MEGF11: variants seen among roughly 807,000 people sequenced by gnomAD.
The protein encoded by MEGF11 is multiple EGF like domains 11, also known as multiple epidermal growth factor-like domains protein 11.
MEGF11 carries 126 observed loss-of-function variants against 146.6 expected under a neutral mutation model. That is an observed-to-expected ratio of 0.86 (90% CI 0.74 to 1.00). The LOEUF is 1.00. MEGF11 is among the 50% of genes least tolerant of loss of function. The pLI is 0.00. For missense variants in MEGF11, 1,509 were observed against 1,521.2 expected, an observed-to-expected ratio of 0.99 and a Z score of 0.13; for synonymous variants, 532 against 583.4, an observed-to-expected ratio of 0.91 and a Z score of 1.27.
At chr15:65,909,712 T>G in intron 22 of MEGF11, 28 bp downstream of exon 22, 1 of 1,547,154 alleles carries the variant, frequency 6.5e-7, no homozygotes, top group Non-Finnish European at 8.7e-7. Context: ...GACATGATGG[T>G]GGGGACCAGA....
chr15:66,053,762 CTG>C (rs1348942262), intron 5 of MEGF11, among the ~76,000 whole-genome samples: 4 of 112,272 alleles, frequency 3.6e-5, no homozygotes, highest in Non-Finnish European at 6.6e-5. Context: ...AGGTCTCACT[CTG>C]TTGCTCAGGC....
chr15:65,932,719 T>C (rs1327476400), intron 10 of MEGF11, among the ~76,000 whole-genome samples: 1 of 152,004 alleles, frequency 6.6e-6, no homozygotes, highest in Non-Finnish European at 1.5e-5. Flanking sequence ...CAGGACATGC[T>C]TCCCCACTTA....
Position 66,160,707 on chromosome 15 carries a change from C to CA in MEGF11, c.-8-32297_-8-32296insT, listed in dbSNP as rs1555477714. 5.5e-3 allele frequency among the ~76,000 whole-genome samples: 483 copies of CA among 88,226 alleles called. 6 individuals carry two copies. The highest frequency in any genetic ancestry group is 0.017 in the African/African-American group (437 of 26,308). The allele number at this position is 88,226 out of a possible 152,430, so 57.9% of individuals were successfully genotyped here. On this transcript the variant is annotated intron_variant, in intron 1 of 25. Coordinates refer to ENST00000395614, the MANE Select transcript of MEGF11 (RefSeq NM_001385028.1). ...CACACACACACACACACACACACAC[C>CA]CTTGCCCTAGGAATTTATTCCTGCC...
rs768077732 is a variant in MEGF11, at chr15:66,176,959, C to T, written c.-8-48548G>A. On this transcript the variant is annotated intron_variant, in intron 1 of 25. Coordinates refer to ENST00000395614, the MANE Select transcript of MEGF11 (RefSeq NM_001385028.1). ...CAATGACAAAGTTCACAGGCCATGC[C>T]TAGGCCAGCCCACTCCCTCCCTTAC... Among the ~76,000 whole-genome samples the T allele has an allele frequency of 5.9e-5, 9 of 152,300 alleles. No homozygotes were observed. In the South Asian group the frequency reaches 1.0e-3, roughly 18 times the overall value.
At chr15:66,008,716 C>G (rs2082606557) in intron 5 of MEGF11, among the ~76,000 whole-genome samples, 1 of 151,736 alleles carries the variant, frequency 6.6e-6, no homozygotes, top group African/African-American at 2.4e-5. Flanking sequence ...CCTGGCTACT[C>G]AGGAGGCTGA....
intron 4 of MEGF11, among the ~76,000 whole-genome samples, chr15:66,105,179 C>T (rs780667028): frequency 4.6e-5 from 7 of 152,216 alleles, no homozygotes; most frequent in Non-Finnish European, 8.8e-5. Flanking sequence ...AAAACAAGGG[C>T]GGCCACTCCT....
rs1163192512 is a variant in MEGF11 at position 65,909,924 on chromosome 15, T to C, written c.2830-118A>G. On this transcript the variant is annotated intron_variant, in intron 21 of 25. Coordinates refer to ENST00000395614, the MANE Select transcript of MEGF11 (RefSeq NM_001385028.1). ...TAATAATCCTGACCCACCTGGGTCC[T>C]AGGCCGTTGAGAGAAAGGGCGAGCT... The C allele has an allele frequency of 7.9e-6, 7 of 891,516 alleles. No homozygotes were observed. The East Asian group carries it at 1.8e-4, about 23-fold the overall frequency. The allele number at this position is 891,516 out of a possible 1,614,324, so 55.2% of individuals were successfully genotyped here.
rs746731712 is a variant in MEGF11 at position 65,898,901 on chromosome 15, G to C, written c.3089C>G (p.Thr1030Ser). 2 of 1,613,920 alleles carry C rather than the reference G, an allele frequency of 1.2e-6. No homozygotes were observed. Among genetic ancestry groups the C allele is most frequent in the Non-Finnish European group, 8.5e-7 (1 of 1,179,836 alleles). The stretch of plus-strand genomic sequence containing the variant: ...GTTTTCACTGCTATTCAAGGAACAA[G>C]TACTAGAACTGCACACGGATTCTTT... The part of the protein sequence containing the change: ...YMKESVCSSS[T>S]CSLNSSENPY... The change falls in exon 25 of 26, where the codon ACT becomes AGT. Residue 1030 changes from threonine (T) to serine (S), a missense_variant. Transcript: ENST00000395614.
intron 4 of MEGF11, among the ~76,000 whole-genome samples, chr15:66,104,256 G>T (rs2086962122): frequency 6.6e-6 from 1 of 152,160 alleles, no homozygotes; most frequent in Non-Finnish European, 1.5e-5. Flanking sequence ...TCTGGTCACT[G>T]TTAGCTCACC....
chr15:66,006,016 C>T (rs2082509182), intron 5 of MEGF11, among the ~76,000 whole-genome samples: 1 of 152,220 alleles, frequency 6.6e-6, no homozygotes, highest in African/African-American at 2.4e-5. Flanking sequence ...TGACAAAGGG[C>T]TTGTTAACCA....
At chr15:66,058,013 A>C (rs1277071010) in intron 5 of MEGF11, among the ~76,000 whole-genome samples, 1 of 152,236 alleles carries the variant, frequency 6.6e-6, no homozygotes, top group African/African-American at 2.4e-5. Flanking sequence ...CATGGGGAAC[A>C]AATATTCCAG....
chr15:66,249,857 A>C (rs1567298897), intron 1 of MEGF11, among the ~76,000 whole-genome samples: 1 of 152,204 alleles, frequency 6.6e-6, no homozygotes, highest in Non-Finnish European at 1.5e-5. Context: ...AGCCCTCCAC[A>C]CTGAAATCTG....
intron 5 of MEGF11, among the ~76,000 whole-genome samples, chr15:66,070,216 A>C (rs1213648696): frequency 6.6e-6 from 1 of 152,164 alleles, no homozygotes; most frequent in Non-Finnish European, 1.5e-5. Flanking sequence ...TAATCTTCGG[A>C]GATGTCGGTT....
At chr15:66,215,076 A>G (rs1340005739) in intron 1 of MEGF11, among the ~76,000 whole-genome samples, 1 of 151,998 alleles carries the variant, frequency 6.6e-6, no homozygotes, top group Non-Finnish European at 1.5e-5. Flanking sequence ...TGGAGCTCTA[A>G]CGCCTCCTCC....
At chr15:66,067,434 A>G (rs1188261760) in intron 5 of MEGF11, among the ~76,000 whole-genome samples, 1 of 152,208 alleles carries the variant, frequency 6.6e-6, no homozygotes, top group Admixed American at 6.5e-5. Context: ...AGATGGAGAA[A>G]ATGAGGCCCA....
chr15:65,915,729 G>T, intron 18 of MEGF11, 131 bp from the exon 19 acceptor site: 1 of 1,185,242 alleles, frequency 8.4e-7, no homozygotes, highest in Non-Finnish European at 1.2e-6. Flanking sequence ...AGCTCCTGTT[G>T]AGGAGCATTT....
chr15:66,217,186 AG>A (rs1306853293), intron 1 of MEGF11, among the ~76,000 whole-genome samples: 3 of 152,250 alleles, frequency 2.0e-5, no homozygotes, highest in African/African-American at 7.2e-5. Flanking sequence ...AGAACAAGAC[AG>A]ACAATCATGA....
intron 1 of MEGF11, among the ~76,000 whole-genome samples, chr15:66,232,256 AC>A (rs1480166251): frequency 7.1e-4 from 108 of 152,258 alleles, no homozygotes; most frequent in Non-Finnish European, 1.2e-4. Context: ...TTCTCTGGCA[AC>A]CCTAGCAACT....
rs750563830 is a variant in MEGF11, at chr15:65,898,057, ATGACCGCAACCT to A, written c.3288_3299del (p.Glu1096_His1100delinsAsp). 2.9e-5 allele frequency: 47 copies of A among 1,613,974 alleles called. 1 individual carries two copies. In the South Asian group the frequency reaches 5.2e-4, roughly 18 times the overall value. On this transcript the variant is annotated inframe_deletion, in exon 26 of 26. Transcript: ENST00000395614. The stretch of plus-strand genomic sequence containing the variant: ...ATGCATTCTGGATATAGCTGGAGTT[ATGACCGCAACCT>A]TCTTGGACCACACTGACTGTGGGCT...
Sources: allele counts gnomAD v4.1 joint callset (sites outside exome capture counted in the v4.1 genomes callset), GRCh38; gene constraint gnomAD v4.1.1; transcripts MANE v1.5; gene names NCBI Gene and HGNC (gene_info 2026-07-23, HGNC 2026-07-21).